The following SLC6A11 variants were observed in gnomAD, a reference collection of about 807,000 sequenced individuals.
SLC6A11 encodes the protein solute carrier family 6 member 11.
SLC6A11 carries 25 observed loss-of-function variants against 74.8 expected under a neutral mutation model. The observed-to-expected ratio is 0.33, with a 90% CI of 0.24 to 0.47. The LOEUF (loss-of-function observed/expected upper bound fraction) is 0.47, where lower values mean the gene tolerates loss of function less well. SLC6A11 is among the 20% of genes least tolerant of loss of function. SLC6A11 has a pLI of 1.00. For missense variants in SLC6A11, 574 were observed against 837.0 expected (o/e 0.69, Z 3.88); for synonymous variants, 330 against 330.2 (o/e 1.00, Z 0.01).
intron 5 of SLC6A11, among the ~76,000 whole-genome samples, chr3:10,854,345 C>T (rs1300579009): frequency 1.3e-5 from 2 of 152,130 alleles, no homozygotes; most frequent in Non-Finnish European, 2.9e-5. Flanking sequence ...GCCGAGATCG[C>T]ACCACTGCAC....
At chr3:10,825,205 A>T (rs1284744166) in intron 4 of SLC6A11, 2 of 146,636 alleles carry the variant, frequency 1.4e-5, no homozygotes, top group Non-Finnish European at 3.0e-5. Context: ...AAATTAATTT[A>T]CACTCCAAAC....
chr3:10,905,838 G>A (rs952733793), intron 6 of SLC6A11, among the ~76,000 whole-genome samples: 3 of 152,182 alleles, frequency 2.0e-5, no homozygotes, highest in Non-Finnish European at 4.4e-5. Flanking sequence ...GCCCAAATGA[G>A]CATGTGTCTC....
At chr3:10,938,053 T>C (rs1463878695) in intron 13 of SLC6A11, among the ~76,000 whole-genome samples, 197 bp from the exon 14 acceptor site, 1 of 152,132 alleles carries the variant, frequency 6.6e-6, no homozygotes, top group East Asian at 1.9e-4. Context: ...TCCCCATTTT[T>C]CATAGGAGGA....
chr3:10,817,912 G>A (rs150089162), intron 1 of SLC6A11, among the ~76,000 whole-genome samples: 86 of 152,252 alleles, frequency 5.6e-4, no homozygotes, highest in African/African-American at 1.9e-3. Flanking sequence ...TGTAAGCTGC[G>A]TCCACTTGGA....
chr3:10,909,311 G>A (rs1222360422), intron 6 of SLC6A11, among the ~76,000 whole-genome samples: 1 of 152,074 alleles, frequency 6.6e-6, no homozygotes, highest in African/African-American at 2.4e-5. Context: ...AAAGATGGAT[G>A]CTAAGTAGGC....
intron 6 of SLC6A11, among the ~76,000 whole-genome samples, chr3:10,893,517 G>A (rs1372728958): frequency 1.3e-5 from 2 of 152,166 alleles, no homozygotes; most frequent in African/African-American, 2.4e-5. Context: ...GAGACTGAAC[G>A]TTGGTTTTGG....
chr3:10,822,118 A>T (rs56924780), intron 3 of SLC6A11, among the ~76,000 whole-genome samples: 1 of 152,202 alleles, frequency 6.6e-6, no homozygotes, highest in Admixed American at 6.5e-5. Flanking sequence ...AACACTTGCA[A>T]TGTGTGAAAC....
intron 6 of SLC6A11, among the ~76,000 whole-genome samples, chr3:10,882,285 G>A (rs546483912): frequency 6.6e-6 from 1 of 152,188 alleles, no homozygotes; most frequent in Non-Finnish European, 1.5e-5. Flanking sequence ...CTGATCAAGA[G>A]AGAGAAGTGT....
chr3:10,930,934 A>G (rs1030405180), intron 10 of SLC6A11, among the ~76,000 whole-genome samples: 1 of 152,162 alleles, frequency 6.6e-6, no homozygotes, highest in African/African-American at 2.4e-5. Flanking sequence ...GCCTTCTCGG[A>G]GGACTATCTG....
At chr3:10,841,708 C>T (rs563779281) in intron 4 of SLC6A11, among the ~76,000 whole-genome samples, 9 of 152,236 alleles carry the variant, frequency 5.9e-5, no homozygotes, top group East Asian at 1.9e-4. Context: ...TTGTACCTGG[C>T]GGGCCTGTCC....
intron 9 of SLC6A11, among the ~76,000 whole-genome samples, chr3:10,927,950 G>A (rs1191198038): frequency 6.6e-6 from 1 of 152,212 alleles, no homozygotes; most frequent in Non-Finnish European, 1.5e-5. Flanking sequence ...CAGTGGGGTG[G>A]GTAAAGCCCA....
intron 5 of SLC6A11, among the ~76,000 whole-genome samples, chr3:10,870,244 G>T (rs182054653): frequency 6.6e-6 from 1 of 152,222 alleles, no homozygotes. Context: ...ATGATCCCAG[G>T]AGTTTCATTC....
intron 6 of SLC6A11, among the ~76,000 whole-genome samples, chr3:10,907,200 A>G (rs759526684): frequency 2.0e-5 from 3 of 152,242 alleles, no homozygotes; most frequent in Non-Finnish European, 2.9e-5. Context: ...ACTATTTAAA[A>G]AGAGAGCTGA....
intron 4 of SLC6A11, among the ~76,000 whole-genome samples, chr3:10,826,785 C>T (rs1035245334): frequency 2.0e-5 from 3 of 152,216 alleles, no homozygotes; most frequent in African/African-American, 7.2e-5. Flanking sequence ...AAGCCTCTCA[C>T]CCAACAGCAT....
chr3:10,907,854 T>TC (rs1695326199), intron 6 of SLC6A11, among the ~76,000 whole-genome samples: 1 of 152,254 alleles, frequency 6.6e-6, no homozygotes, highest in African/African-American at 2.4e-5. Flanking sequence ...TATGAGACTT[T>TC]CCAGAGGAAT....
intron 4 of SLC6A11, among the ~76,000 whole-genome samples, chr3:10,833,532 G>C (rs9846118): frequency 2.7e-4 from 41 of 152,252 alleles, no homozygotes; most frequent in Non-Finnish European, 4.9e-4. Flanking sequence ...CCCTTCAGCC[G>C]AGGATCAAGG....
In SLC6A11 at chr3:10,884,286, T is replaced by C. The variant is rs532291328; in HGVS notation, c.891+9191T>C. On this transcript the variant is annotated intron_variant, in intron 6 of 13. Transcript: ENST00000254488. The stretch of plus-strand genomic sequence containing the variant: ...AACTACTGATGCTGGTTATCATTGA[T>C]TGATTGCTGACTTTATGCCAGGTAC... 3.9e-5 allele frequency among the ~76,000 whole-genome samples: 6 copies of C among 152,358 alleles called. No individual in the cohort carries two copies. In the South Asian group the frequency reaches 1.2e-3, roughly 32 times the overall value.
chr3:10,844,326 G>A lies in SLC6A11; in HGVS notation c.736G>A (p.Gly246Arg). The change falls in exon 5 of 14, where the codon GGG (glycine) becomes AGG (arginine). Residue 246 changes from glycine to arginine, a missense_variant. Transcript: ENST00000254488. ...WTICYFCIWK[G>R]TKSTGKVVYV... is the part of the protein sequence containing the mutation. ...CATCTGTTACTTCTGTATCTGGAAG[G>A]GGACCAAGTCTACAGGAAAGGTAAG... The A allele has an allele frequency of 6.2e-7, 1 of 1,614,164 alleles. No homozygotes were observed. The highest frequency in any genetic ancestry group is 8.5e-7 in the Non-Finnish European group (1 of 1,180,034).
chr3:10,843,892 G>A (rs1345927086), intron 4 of SLC6A11, among the ~76,000 whole-genome samples: 1 of 152,216 alleles, frequency 6.6e-6, no homozygotes, highest in African/African-American at 2.4e-5. Flanking sequence ...AACATAGGAT[G>A]TTTATGACTG....
Sources: allele counts gnomAD v4.1 joint callset (sites outside exome capture counted in the v4.1 genomes callset), GRCh38; gene constraint gnomAD v4.1.1; transcripts MANE v1.5; gene names NCBI Gene and HGNC (gene_info 2026-07-23, HGNC 2026-07-21).